The following MPPE1 variants were observed in gnomAD, a reference collection of about 807,000 sequenced individuals.
The protein encoded by MPPE1 is metallo phosphoesterase.
MPPE1 carries 28 observed loss-of-function variants against 43.8 expected under a neutral mutation model. That is an observed-to-expected ratio of 0.64 (90% confidence interval 0.47 to 0.88). The LOEUF (loss-of-function observed/expected upper bound fraction) is 0.88, where lower values mean the gene tolerates loss of function less well. Among genes scored for constraint, MPPE1 ranks in the 40% least tolerant of loss-of-function variants. The probability of loss-of-function intolerance (pLI) is 0.00; values close to 1 mark genes in which losing one functional copy is unlikely to be tolerated. For missense variants in MPPE1, 428 were observed against 492.2 expected, an observed-to-expected ratio of 0.87 and a Z score of 1.23; for synonymous variants, 159 against 188.5, an observed-to-expected ratio of 0.84 and a Z score of 1.28.
chr18:11,901,180 C>T (rs2039160214), intron 2 of MPPE1, among the ~76,000 whole-genome samples: 1 of 152,160 alleles, frequency 6.6e-6, no homozygotes, highest in South Asian at 2.1e-4. Context: ...TGTCATTCCT[C>T]TGTTTCATTA....
intron 2 of MPPE1, among the ~76,000 whole-genome samples, chr18:11,901,207 A>G (rs576963241): frequency 6.6e-6 from 1 of 152,082 alleles, no homozygotes; most frequent in African/African-American, 2.4e-5. Flanking sequence ...CATTACCTAT[A>G]TTAACTCTTG....
At chr18:11,894,064 A>G (rs2038298045) in intron 3 of MPPE1, among the ~76,000 whole-genome samples, 1 of 152,180 alleles carries the variant, frequency 6.6e-6, no homozygotes, top group Non-Finnish European at 1.5e-5. Context: ...ACAGGAACCA[A>G]TATCAAAACA....
chr18:11,902,759 A>G lies in MPPE1; in HGVS notation c.-93+3444T>C, dbSNP rs568187774. 2.0e-5 allele frequency: 3 copies of G among 152,430 alleles called. No individual in the cohort carries two copies. The South Asian group carries it at 6.2e-4, about 32-fold the overall frequency. 9.4% of individuals were successfully genotyped at this position (152,430 alleles called of 1,614,324 possible). On this transcript the variant is annotated intron_variant, in intron 2 of 10. Coordinates refer to ENST00000588072, the MANE Select transcript of MPPE1 (RefSeq NM_023075.6). Reference sequence around the variant, plus strand: ...GTTATGACTAAGAGGCGCAAAAAGCATCAGTGAGTGGTGAGCAGGCTGGAG... The same window carrying G: ...GTTATGACTAAGAGGCGCAAAAAGCGTCAGTGAGTGGTGAGCAGGCTGGAG...
chr18:11,898,909 A>ACTT (rs1196888852), intron 2 of MPPE1, among the ~76,000 whole-genome samples: 1 of 127,204 alleles, frequency 7.9e-6, no homozygotes, highest in East Asian at 2.5e-4. Flanking sequence ...CATTAATTAA[A>ACTT]CTTTTTTTTT....
At position 11,883,209 on chromosome 18, in the gene MPPE1, C is replaced by T. The variant is rs1194802572; in HGVS notation, c.*1236G>A. The T allele has an allele frequency of 7.2e-6, 1 of 138,630 alleles. No homozygotes were observed. Among genetic ancestry groups the T allele is most frequent in the African/African-American group, 3.1e-5 (1 of 31,952 alleles). 8.6% of individuals were successfully genotyped at this position (138,630 alleles called of 1,614,324 possible). On this transcript the variant is annotated 3_prime_UTR_variant, in exon 11 of 11. Coordinates refer to ENST00000588072, the MANE Select transcript of MPPE1 (RefSeq NM_023075.6). ...GTGCAACACACACATTTTATCTCAT[C>T]ACCGTCTTACTGCCTCCCCATCCAC...
At chr18:11,894,654 G>T (rs2038393595) in intron 3 of MPPE1, among the ~76,000 whole-genome samples, 1 of 149,494 alleles carries the variant, frequency 6.7e-6, no homozygotes, top group East Asian at 2.0e-4. Flanking sequence ...ACAATGGTGT[G>T]ATCTCGGCTC....
Position 11,900,872 on chromosome 18 carries a change from A to C in MPPE1, c.-92-3516T>G, listed in dbSNP as rs996304243. Among the ~76,000 whole-genome samples the C allele has an allele frequency of 3.3e-5, 5 of 150,948 alleles. No homozygotes were observed. In the East Asian group the frequency reaches 5.9e-4, roughly 18 times the overall value. On this transcript the variant is annotated intron_variant, in intron 2 of 10. Coordinates refer to ENST00000588072, the MANE Select transcript of MPPE1 (RefSeq NM_023075.6). Reference sequence around the variant, plus strand: ...CAGTGAGCCGAGATTGCGCCACTGCACTCCAGCCTGGGCGACAGAGCAAGA... The same window carrying C: ...CAGTGAGCCGAGATTGCGCCACTGCCCTCCAGCCTGGGCGACAGAGCAAGA...
chr18:11,887,092 C>G (rs2037396971), intron 6 of MPPE1, 67 bp from the exon 7 acceptor site: 1 of 1,191,002 alleles, frequency 8.4e-7, no homozygotes, highest in Non-Finnish European at 1.2e-6. Flanking sequence ...CTACTGTTCC[C>G]ATGAAAAGAA....
chr18:11,900,909 TA>T (rs559247706), intron 2 of MPPE1, among the ~76,000 whole-genome samples: 376 of 126,042 alleles, frequency 3.0e-3, no homozygotes, highest in Non-Finnish European at 3.4e-3. Context: ...TCCGTCTCAT[TA>T]AAAAAAAAAA....
rs2036859417 is a variant in MPPE1, at chr18:11,884,347, A to C, written c.*98T>G. ...GAGAATTTCTGTGCTGTGCAGAGAGACGGCCTGTAATTGGTCTCATCATCC... is the reference window on the plus strand; with the variant it reads ...GAGAATTTCTGTGCTGTGCAGAGAGCCGGCCTGTAATTGGTCTCATCATCC... On this transcript the variant is annotated 3_prime_UTR_variant, in exon 11 of 11. Transcript: ENST00000588072. 1 of 1,125,864 alleles carries C rather than the reference A, an allele frequency of 8.9e-7. No individual in the cohort carries two copies. Among genetic ancestry groups the C allele is most frequent in the Non-Finnish European group, 1.3e-6 (1 of 769,118 alleles). 69.7% of individuals were successfully genotyped at this position (1,125,864 alleles called of 1,614,324 possible).
At position 11,886,543 on chromosome 18, in the gene MPPE1, A is replaced by G. The variant is rs777954765; in HGVS notation, c.823T>C (p.Phe275Leu). 3 of 1,614,078 alleles carry G rather than the reference A, an allele frequency of 1.9e-6. No homozygotes were observed. The African/African-American group carries it at 4.0e-5, about 22-fold the overall frequency. ...AAPAEERDIP[F>L]KENYDVLSRE... is the part of the protein sequence containing the mutation. ...GAAAGCACGTCATAGTTCTCCTTAAATGGGATGTCCCTTTCCTCTGCAGGA... is the reference window on the plus strand; with the variant it reads ...GAAAGCACGTCATAGTTCTCCTTAAGTGGGATGTCCCTTTCCTCTGCAGGA... Residue 275 changes from phenylalanine to leucine, a missense_variant, in exon 9 of 11, where the codon TTT (phenylalanine) becomes CTT (leucine). Coordinates refer to ENST00000588072, the MANE Select transcript of MPPE1 (RefSeq NM_023075.6). This position sits in a 1 kb window ranked among gnomAD's most constrained non-coding sequence, Gnocchi z 4.1.
At chr18:11,889,877 T>C (rs554178702) in intron 4 of MPPE1, among the ~76,000 whole-genome samples, 1 of 146,202 alleles carries the variant, frequency 6.8e-6, no homozygotes, top group Admixed American at 6.9e-5. Flanking sequence ...CAGCCAATGA[T>C]CCCTATTTTG....
chr18:11,892,767 T>C lies in MPPE1; in HGVS notation c.390+701A>G, dbSNP rs528479997. ...TTTATACTATACCCCAAATTGAAGA[T>C]TTTCCAAAAACCATTAGTGACTGAA... is the stretch of plus-strand genomic sequence containing the variant. On this transcript the variant is annotated intron_variant, in intron 4 of 10. Coordinates refer to ENST00000588072, the MANE Select transcript of MPPE1 (RefSeq NM_023075.6). Among the ~76,000 whole-genome samples, 61 of 152,272 alleles carry C rather than the reference T, an allele frequency of 4.0e-4. 1 individual carries two copies. The South Asian group carries it at 0.01, about 26-fold the overall frequency.
intron 4 of MPPE1, among the ~76,000 whole-genome samples, chr18:11,890,156 A>G (rs1487074583): frequency 6.6e-6 from 1 of 151,300 alleles, no homozygotes; most frequent in Non-Finnish European, 1.5e-5. Context: ...GTTAGCCAGG[A>G]TGGTCGCGAT....
intron 6 of MPPE1, among the ~76,000 whole-genome samples, chr18:11,887,607 T>C (rs1014176285): frequency 1.2e-4 from 18 of 152,326 alleles, no homozygotes; most frequent in Admixed American, 3.3e-4. Flanking sequence ...ACAAAGTCCA[T>C]TGTGGTTAGA....
intron 1 of MPPE1, among the ~76,000 whole-genome samples, chr18:11,906,732 T>C (rs1002463910): frequency 5.3e-5 from 8 of 151,696 alleles, no homozygotes. Flanking sequence ...CACATGCCTG[T>C]AATCCCAGCT....
chr18:11,895,849 G>A (rs1236300225), intron 3 of MPPE1, among the ~76,000 whole-genome samples: 8 of 151,188 alleles, frequency 5.3e-5, no homozygotes, highest in African/African-American at 1.7e-4. Context: ...CAGGCGTGAA[G>A]CACTGCACCC....
At chr18:11,887,200 A>G (rs995636049) in intron 6 of MPPE1, among the ~76,000 whole-genome samples, 175 bp from the exon 7 acceptor site, 3 of 152,230 alleles carry the variant, frequency 2.0e-5, no homozygotes, top group Non-Finnish European at 4.4e-5. Flanking sequence ...TATTAACAAA[A>G]ATAGCATTAC....
At chr18:11,885,465 G>A (rs762490302) in intron 10 of MPPE1, 17 of 592,708 alleles carry the variant, frequency 2.9e-5, no homozygotes, top group South Asian at 8.8e-5. Flanking sequence ...CCCTGCCCTC[G>A]CTTCTCACAT....
Sources: gnomAD v4.1 joint callset for allele counts (sites outside exome capture counted in the v4.1 genomes callset) on GRCh38, gnomAD v4.1.1 for gene constraint, Gnocchi (gnomAD v3.1) non-coding constraint, MANE v1.5 for transcripts, NCBI Gene and HGNC (gene_info 2026-07-23, HGNC 2026-07-21) for gene names.